RALGAPB: variants seen among roughly 807,000 people sequenced by gnomAD.
RALGAPB encodes the protein Ral GTPase activating protein non-catalytic subunit beta, also known as ral GTPase-activating protein subunit beta.
In RALGAPB, 25 loss-of-function variants were observed where a neutral mutation model predicts 161.1. The observed-to-expected ratio is 0.16, with a 90% confidence interval of 0.11 to 0.22. The LOEUF is 0.22. Ranked by LOEUF, RALGAPB falls within the 10% of genes least tolerant of loss-of-function variation. The probability of loss-of-function intolerance (pLI) is 1.00; values close to 1 mark genes in which losing one functional copy is unlikely to be tolerated. For missense variants in RALGAPB, 1,391 were observed against 1,815.2 expected (o/e 0.77, Z 4.25); for synonymous variants, 629 against 626.1 (o/e 1.00, Z -0.07).
chr20:38,554,101 T>C, intron 22 of RALGAPB, 25 bp downstream of exon 22: 1 of 1,529,344 alleles, frequency 6.5e-7, no homozygotes, highest in Non-Finnish European at 9.1e-7. Context: ...CTTTTATGAA[T>C]AAATATATTC....
At chr20:38,483,270 G>T (rs779413492) in intron 1 of RALGAPB, among the ~76,000 whole-genome samples, 75 of 152,368 alleles carry the variant, frequency 4.9e-4, no homozygotes, top group South Asian at 6.2e-4. Context: ...TACCCAGCTT[G>T]CAGGTAGAGC....
intron 21 of RALGAPB, among the ~76,000 whole-genome samples, chr20:38,553,576 C>G (rs1320418718): frequency 6.6e-6 from 1 of 152,066 alleles, no homozygotes; most frequent in African/African-American, 2.4e-5. Context: ...CTACATTGAA[C>G]TGAATCACAA....
intron 1 of RALGAPB, among the ~76,000 whole-genome samples, chr20:38,485,521 G>A (rs879509017): frequency 2.0e-5 from 3 of 152,108 alleles, no homozygotes; most frequent in African/African-American, 4.8e-5. Context: ...TCTGCCGCCT[G>A]GGTTCAAGCC....
chr20:38,544,811 A>G lies in RALGAPB; in HGVS notation c.2715-1432A>G, dbSNP rs189315374. Among the ~76,000 whole-genome samples, 4 of 152,306 alleles carry G rather than the reference A, an allele frequency of 2.6e-5. No individual in the cohort carries two copies. The East Asian group carries it at 5.8e-4, about 22-fold the overall frequency. On this transcript the variant is annotated intron_variant, in intron 18 of 29. Coordinates refer to ENST00000262879, the MANE Select transcript of RALGAPB (RefSeq NM_020336.4). Reference sequence around the variant, plus strand: ...TATGATTTGATGATCTTTAAACTCTATATAATACTACATTTTCATTAAAAT... The same window carrying G: ...TATGATTTGATGATCTTTAAACTCTGTATAATACTACATTTTCATTAAAAT...
At chr20:38,551,743 T>C (rs181378329) in intron 21 of RALGAPB, among the ~76,000 whole-genome samples, 1 of 152,272 alleles carries the variant, frequency 6.6e-6, no homozygotes, top group Admixed American at 6.5e-5. Flanking sequence ...TTTGGGAAGA[T>C]GGGAAAAATT....
rs1706325633 is a variant in RALGAPB, at chr20:38,524,839, G to T, written c.1681G>T (p.Ala561Ser). 1.2e-6 allele frequency: 2 copies of T among 1,606,436 alleles called. No homozygotes were observed. The highest frequency in any genetic ancestry group is 1.7e-5 in the Admixed American group (1 of 60,000). ...INDYVCHPVL[A>S]SVILNSPPLF... ...TGATTATGTGTGCCATCCTGTCTTG[G>T]CCAGCGTTATTCTAAACTCTCCTCC... is the stretch of plus-strand genomic sequence containing the variant. Residue 561 changes from alanine (A) to serine (S), a missense_variant, in exon 11 of 30, where the codon GCC becomes TCC. By Grantham distance (99) the Ala-to-Ser change is moderately conservative (BLOSUM62 1). Around this residue, in one of 3 missense-constraint regions of RALGAPB, gnomAD observed 946 missense variants for 1,257.2 expected, o/e 0.75. Coordinates refer to ENST00000262879, the MANE Select transcript of RALGAPB (RefSeq NM_020336.4).
intron 14 of RALGAPB, 50 bp downstream of exon 14, chr20:38,531,281 T>A: frequency 7.0e-7 from 1 of 1,433,884 alleles, no homozygotes. Flanking sequence ...TTGAATTTCA[T>A]GTAAATTATA....
At chr20:38,508,622 T>C (rs2085841275) in intron 5 of RALGAPB, among the ~76,000 whole-genome samples, 1 of 152,188 alleles carries the variant, frequency 6.6e-6, no homozygotes, top group African/African-American at 2.4e-5. Context: ...TATACTTGTT[T>C]ATTTTACCCA....
At chr20:38,530,388 T>C (rs2086617536) in intron 13 of RALGAPB, among the ~76,000 whole-genome samples, 1 of 152,144 alleles carries the variant, frequency 6.6e-6, no homozygotes, top group Admixed American at 6.5e-5. Flanking sequence ...TAAGTGTTTG[T>C]GTACGTAAGT....
At chr20:38,487,501 C>G (rs1343615400) in intron 1 of RALGAPB, among the ~76,000 whole-genome samples, 1 of 152,068 alleles carries the variant, frequency 6.6e-6, no homozygotes, top group East Asian at 1.9e-4. Flanking sequence ...TTCATAGATT[C>G]TAGAAGAAAT....
chr20:38,562,483 A>G (rs1275001207), intron 23 of RALGAPB, 49 bp from the exon 24 acceptor site: 5 of 1,415,258 alleles, frequency 3.5e-6, no homozygotes, highest in Admixed American at 2.3e-5. Flanking sequence ...TTATTTTGAT[A>G]TATTATTTTG....
In RALGAPB at chr20:38,488,587, G is replaced by C; in HGVS notation, c.155G>C (p.Gly52Ala). 1 of 1,612,972 alleles carries C rather than the reference G, an allele frequency of 6.2e-7. No individual in the cohort carries two copies. The highest frequency in any genetic ancestry group is 8.5e-7 in the Non-Finnish European group (1 of 1,179,676). The change falls in exon 2 of 30, where the codon GGT becomes GCT. Residue 52 changes from glycine (G) to alanine (A), a missense_variant. Transcript: ENST00000262879. ...GTGTTAGGTACCCCTTCAGTGGCTG[G>C]TAGTGAGAATTTGTTAAAAACTGAC... ...GQVLGTPSVA[G>A]SENLLKTDKE... is the part of the protein sequence containing the mutation.
At chr20:38,546,479 C>T (rs765504083) in intron 19 of RALGAPB, 49 bp downstream of exon 19, 4 of 1,603,956 alleles carry the variant, frequency 2.5e-6, no homozygotes, top group Non-Finnish European at 3.4e-6. Context: ...TCAGTGTTAC[C>T]AGTACCATGA....
chr20:38,566,449 A>G (rs2088002158), intron 25 of RALGAPB, among the ~76,000 whole-genome samples: 1 of 152,218 alleles, frequency 6.6e-6, no homozygotes, highest in Admixed American at 6.5e-5. Context: ...TCCCAGAGCT[A>G]GAGCCTCGTC....
intron 25 of RALGAPB, 97 bp downstream of exon 25, chr20:38,565,575 A>T: frequency 7.1e-7 from 1 of 1,399,554 alleles, no homozygotes; most frequent in South Asian, 1.5e-5. Context: ...AAGTGATCTA[A>T]GGCATTCTTT....
intron 11 of RALGAPB, 31 bp from the exon 12 acceptor site, chr20:38,525,373 A>G: frequency 1.9e-5 from 28 of 1,503,936 alleles, no homozygotes; most frequent in Non-Finnish European, 2.6e-5. Flanking sequence ...CTTTAGTTCA[A>G]AAATACTAAT....
Position 38,543,352 on chromosome 20 carries a change from A to C in RALGAPB, c.2714+2160A>C, listed in dbSNP as rs573423020. Among the ~76,000 whole-genome samples the C allele has an allele frequency of 8.3e-4, 126 of 152,286 alleles. 1 individual carries two copies. The highest frequency in any genetic ancestry group is 2.9e-3 in the African/African-American group (120 of 41,558). ...ATGAGCCAGTGACTGAGTTAAACAG[A>C]CTTTATTTTTGTAAAGTATTTCCTC... On this transcript the variant is annotated intron_variant, in intron 18 of 29. Coordinates refer to ENST00000262879, the MANE Select transcript of RALGAPB (RefSeq NM_020336.4).
In RALGAPB at chr20:38,546,362, T is replaced by G. The variant is rs2087163177; in HGVS notation, c.2834T>G (p.Phe945Cys). Residue 945 changes from phenylalanine (F) to cysteine (C), a missense_variant, in exon 19 of 30, where the codon TTC becomes TGC. Physicochemically the swap from Phe to Cys is radical, Grantham distance 205. Around this residue, in one of 3 missense-constraint regions of RALGAPB, gnomAD observed 946 missense variants for 1,257.2 expected, o/e 0.75. Coordinates refer to ENST00000262879, the MANE Select transcript of RALGAPB (RefSeq NM_020336.4). ...CTGCCAACCATAAACAAGCATAGTTTCCGGTACTTTGTCTTGGATAACAGT... is the reference window on the plus strand; with the variant it reads ...CTGCCAACCATAAACAAGCATAGTTGCCGGTACTTTGTCTTGGATAACAGT... ...SRLPTINKHS[F>C]RYFVLDNSVI... 3 of 1,614,014 alleles carry G rather than the reference T, an allele frequency of 1.9e-6. No homozygotes were observed. The highest frequency in any genetic ancestry group is 1.7e-5 in the Admixed American group (1 of 59,992).
chr20:38,555,732 G>A (rs185211296), intron 22 of RALGAPB, among the ~76,000 whole-genome samples: 2 of 152,218 alleles, frequency 1.3e-5, no homozygotes, highest in African/African-American at 4.8e-5. Context: ...TAATTATCAT[G>A]CTTTCTCATC....
Sources: allele counts gnomAD v4.1 joint callset (sites outside exome capture counted in the v4.1 genomes callset), GRCh38; gene constraint gnomAD v4.1.1; regional missense constraint gnomAD v4.1.1; transcripts MANE v1.5; gene names NCBI Gene and HGNC (gene_info 2026-07-23, HGNC 2026-07-21).